MIPEP: variants seen among roughly 807,000 people sequenced by gnomAD.
MIPEP encodes the protein mitochondrial intermediate peptidase.
MIPEP carries 79 observed loss-of-function variants against 90.3 expected under a neutral mutation model. The observed-to-expected ratio is 0.87, with a 90% CI of 0.73 to 1.05. The LOEUF (loss-of-function observed/expected upper bound fraction) is 1.05, where lower values mean the gene tolerates loss of function less well. Ranked by LOEUF, MIPEP falls within the 50% of genes least tolerant of loss-of-function variation. MIPEP has a pLI of 0.00. For missense variants in MIPEP, 940 were observed against 905.6 expected (o/e 1.04, Z -0.49); for synonymous variants, 334 against 315.8 (o/e 1.06, Z -0.61).
chr13:23,731,921 A>G (rs181592865), intron 18 of MIPEP, among the ~76,000 whole-genome samples: 3 of 152,150 alleles, frequency 2.0e-5, no homozygotes, highest in Admixed American at 2.0e-4. Flanking sequence ...GGGAAATGAA[A>G]ACCAAACCCA....
At chr13:23,795,637 G>A (rs10507333) in intron 16 of MIPEP, among the ~76,000 whole-genome samples, 16,226 of 152,184 alleles carry the variant, frequency 0.11, 1,008 homozygotes, top group Non-Finnish European at 0.14. Context: ...GATGCTACAT[G>A]AGGTCAATAC....
chr13:23,756,954 G>A (rs1952496135), intron 17 of MIPEP: 1 of 287,382 alleles, frequency 3.5e-6, no homozygotes, highest in African/African-American at 2.2e-5. Context: ...CTGGTTTTGT[G>A]AAAGACAATT....
rs760503742 is a variant in MIPEP, at chr13:23,870,034, G to A, written c.765C>T (p.His255=). 19 of 1,600,452 alleles carry A rather than the reference G, an allele frequency of 1.2e-5. No homozygotes were observed. The highest frequency in any genetic ancestry group is 1.1e-4 in the South Asian group (10 of 88,758). ...ATACCAAGTCATCTGGTGATTCTGC[G>A]TGGAGACCATCAATTATGATATGAT... is the stretch of plus-strand genomic sequence containing the variant. The part of the protein sequence containing the change: ...AGDHIIIDGL[H]AESPDDLVRE... The change falls in exon 6 of 19, where the codon CAC becomes CAT. Residue 255 remains histidine, a synonymous_variant. Coordinates refer to ENST00000382172, the MANE Select transcript of MIPEP (RefSeq NM_005932.4).
intron 10 of MIPEP, among the ~76,000 whole-genome samples, chr13:23,843,369 A>G (rs1869392599): frequency 6.6e-6 from 1 of 152,176 alleles, no homozygotes; most frequent in Non-Finnish European, 1.5e-5. Flanking sequence ...AAGCTGAGGA[A>G]CTGGGACCAT....
chr13:23,855,878 T>C (rs2137490873), intron 10 of MIPEP, among the ~76,000 whole-genome samples: 1 of 152,316 alleles, frequency 6.6e-6, no homozygotes, highest in African/African-American at 2.4e-5. Context: ...CCAGCATACC[T>C]GGTGATTTCA....
At chr13:23,792,533 C>G (rs553463641) in intron 16 of MIPEP, among the ~76,000 whole-genome samples, 3 of 152,310 alleles carry the variant, frequency 2.0e-5, no homozygotes, top group African/African-American at 7.2e-5. Context: ...GTGCGTGCCA[C>G]CATGCCCAGA....
intron 10 of MIPEP, 141 bp from the exon 11 acceptor site, chr13:23,841,629 G>T: frequency 1.1e-6 from 1 of 933,060 alleles, no homozygotes. Context: ...TATATCATTT[G>T]AGGGGTTTTC....
At chr13:23,812,427 C>T (rs1953184454) in intron 14 of MIPEP, among the ~76,000 whole-genome samples, 1 of 151,936 alleles carries the variant, frequency 6.6e-6, no homozygotes, top group Non-Finnish European at 1.5e-5. Context: ...AAGGAGGTCC[C>T]CATTGGAGAA....
intron 8 of MIPEP, among the ~76,000 whole-genome samples, chr13:23,863,076 G>C (rs191159769): frequency 3.9e-5 from 6 of 152,136 alleles, no homozygotes; most frequent in Non-Finnish European, 5.9e-5. Context: ...GAGTTCTAAG[G>C]CATGAGTTTA....
At chr13:23,880,916 C>T (rs1024159501) in intron 3 of MIPEP, among the ~76,000 whole-genome samples, 1 of 152,192 alleles carries the variant, frequency 6.6e-6, no homozygotes, top group Non-Finnish European at 1.5e-5. Context: ...ACCCCCTTTT[C>T]CCTGTTGTAA....
intron 10 of MIPEP, among the ~76,000 whole-genome samples, chr13:23,847,182 T>C (rs1288972239): frequency 1.3e-5 from 2 of 152,190 alleles, no homozygotes; most frequent in South Asian, 2.1e-4. Flanking sequence ...AGCACAGTAA[T>C]TGTATCATTC....
chr13:23,876,005 T>G (rs1207457806), intron 4 of MIPEP, among the ~76,000 whole-genome samples: 1 of 152,170 alleles, frequency 6.6e-6, no homozygotes, highest in Non-Finnish European at 1.5e-5. Flanking sequence ...CTGCAAATGT[T>G]TTTACTCTCC....
intron 5 of MIPEP, among the ~76,000 whole-genome samples, chr13:23,873,379 C>G (rs1329166472): frequency 2.6e-5 from 4 of 152,204 alleles, no homozygotes; most frequent in Non-Finnish European, 1.5e-5. Flanking sequence ...CCAGTGTTCA[C>G]AGACGGGGAA....
chr13:23,805,307 C>T (rs1734542273), intron 16 of MIPEP, among the ~76,000 whole-genome samples: 2 of 152,114 alleles, frequency 1.3e-5, no homozygotes, highest in Admixed American at 6.6e-5. Context: ...TTGTTTTGAA[C>T]CCCCATACAA....
intron 7 of MIPEP, among the ~76,000 whole-genome samples, chr13:23,867,761 C>G (rs1481224176): frequency 6.6e-6 from 1 of 152,014 alleles, no homozygotes; most frequent in Admixed American, 6.6e-5. Flanking sequence ...CTGTGGAAAA[C>G]CATAAATGTA....
chr13:23,885,121 T>C lies in MIPEP; in HGVS notation c.363+1212A>G, dbSNP rs146131106. 5.1e-4 allele frequency among the ~76,000 whole-genome samples: 77 copies of C among 152,296 alleles called. No individual in the cohort carries two copies. In the East Asian group the frequency reaches 0.012, roughly 24 times the overall value. Reference sequence around the variant, plus strand: ...CACACAATGGAATGCTATTCAGCCATAAAAAAGAATGAGATTATGTCATTT... The same window carrying C: ...CACACAATGGAATGCTATTCAGCCACAAAAAAGAATGAGATTATGTCATTT... On this transcript the variant is annotated intron_variant, in intron 2 of 18. Coordinates refer to ENST00000382172, the MANE Select transcript of MIPEP (RefSeq NM_005932.4).
intron 16 of MIPEP, among the ~76,000 whole-genome samples, chr13:23,798,236 A>G (rs11616254): frequency 0.11 from 16,279 of 152,292 alleles, 1,038 homozygotes; most frequent in Non-Finnish European, 0.14. Flanking sequence ...TGCTCTTTGG[A>G]GTGTCTGACT....
At chr13:23,744,324 C>T (rs1053728645) in intron 18 of MIPEP, among the ~76,000 whole-genome samples, 1 of 152,188 alleles carries the variant, frequency 6.6e-6, no homozygotes, top group Non-Finnish European at 1.5e-5. Context: ...CTTTGAGCAT[C>T]ACTGTATTCC....
At chr13:23,747,770 T>C (rs1952399466) in intron 18 of MIPEP, among the ~76,000 whole-genome samples, 1 of 152,204 alleles carries the variant, frequency 6.6e-6, no homozygotes, top group Non-Finnish European at 1.5e-5. Context: ...AGACGGGGTC[T>C]CGCTCTGTTG....
Sources: gnomAD v4.1 joint callset for allele counts (sites outside exome capture counted in the v4.1 genomes callset) on GRCh38, gnomAD v4.1.1 for gene constraint, MANE v1.5 for transcripts, NCBI Gene and HGNC (gene_info 2026-07-23, HGNC 2026-07-21) for gene names.